The following TBC1D9 variants were observed in gnomAD, a reference collection of about 807,000 sequenced individuals.
TBC1D9 encodes TBC1 domain family member 9A.
TBC1D9 carries 63 observed loss-of-function variants against 132.0 expected under a neutral mutation model. The observed-to-expected ratio is 0.48, with a 90% CI of 0.39 to 0.59. The LOEUF (loss-of-function observed/expected upper bound fraction) is 0.59, where lower values mean the gene tolerates loss of function less well. Ranked by LOEUF, TBC1D9 falls within the 20% of genes least tolerant of loss-of-function variation. The pLI is 0.00. For missense variants in TBC1D9, 1,261 were observed against 1,592.7 expected, an observed-to-expected ratio of 0.79 and a Z score of 3.54; for synonymous variants, 610 against 609.9, an observed-to-expected ratio of 1.00 and a Z score of 0.00.
chr4:140,748,273 T>C (rs1317440517), intron 1 of TBC1D9, among the ~76,000 whole-genome samples: 1 of 152,040 alleles, frequency 6.6e-6, no homozygotes, highest in Non-Finnish European at 1.5e-5. Flanking sequence ...TTAAATATAG[T>C]TAAGGAGATA....
chr4:140,632,831 C>T lies in TBC1D9; in HGVS notation c.2746+1117G>A, dbSNP rs146130753. Among the ~76,000 whole-genome samples, 47 of 152,278 alleles carry T rather than the reference C, an allele frequency of 3.1e-4. 1 individual carries two copies. The highest frequency in any genetic ancestry group is 1.1e-3 in the African/African-American group (44 of 41,554). ...AAGCATTAGGGCAATGCCAGGCATG[C>T]AGTAAATGCTGTATAAATGTCAGTT... On this transcript the variant is annotated intron_variant, in intron 16 of 20. Coordinates refer to ENST00000442267, the MANE Select transcript of TBC1D9 (RefSeq NM_015130.3).
At chr4:140,738,080 A>G (rs754768772) in intron 1 of TBC1D9, among the ~76,000 whole-genome samples, 19 of 152,258 alleles carry the variant, frequency 1.2e-4, no homozygotes, top group Non-Finnish European at 2.8e-4. Flanking sequence ...GATATTAAAC[A>G]AAGAAAATCT....
At chr4:140,654,639 T>C (rs1356068698) in intron 13 of TBC1D9, among the ~76,000 whole-genome samples, 3 of 152,188 alleles carry the variant, frequency 2.0e-5, no homozygotes, top group Non-Finnish European at 4.4e-5. Flanking sequence ...GCTTACATCA[T>C]ACAGTACTAT....
At chr4:140,643,641 T>G (rs1053055166) in intron 13 of TBC1D9, 143 of 1,042,582 alleles carry the variant, frequency 1.4e-4, no homozygotes, top group Non-Finnish European at 1.8e-4. Flanking sequence ...CACAGGCACC[T>G]CCACTGGCTC....
At chr4:140,738,194 G>C (rs1377667304) in intron 1 of TBC1D9, among the ~76,000 whole-genome samples, 1 of 152,142 alleles carries the variant, frequency 6.6e-6, no homozygotes, top group Non-Finnish European at 1.5e-5. Context: ...AAAATCTTGG[G>C]ACCTCAAACT....
At chr4:140,699,933 TAAAA>T (rs145874678) in intron 2 of TBC1D9, among the ~76,000 whole-genome samples, 1 of 152,028 alleles carries the variant, frequency 6.6e-6, no homozygotes, top group Non-Finnish European at 1.5e-5. Flanking sequence ...AAATAAAAGT[TAAAA>T]AAAGTGTTCA....
chr4:140,715,587 G>A (rs942315158), intron 1 of TBC1D9, among the ~76,000 whole-genome samples: 1 of 152,204 alleles, frequency 6.6e-6, no homozygotes, highest in Non-Finnish European at 1.5e-5. Flanking sequence ...ATAAGAAGGT[G>A]CAAAGGCATT....
intron 13 of TBC1D9, among the ~76,000 whole-genome samples, chr4:140,640,629 G>T (rs376150896): frequency 6.6e-6 from 1 of 152,094 alleles, no homozygotes; most frequent in Non-Finnish European, 1.5e-5. Context: ...ATTTCCAAGC[G>T]TAACTTTTCC....
At chr4:140,754,996 A>G (rs1738987033) in intron 1 of TBC1D9, among the ~76,000 whole-genome samples, 1 of 152,242 alleles carries the variant, frequency 6.6e-6, no homozygotes, top group South Asian at 2.1e-4. Flanking sequence ...GGTTGATATA[A>G]GCTCAACTCT....
At chr4:140,661,346 T>C (rs80046628) in intron 10 of TBC1D9, among the ~76,000 whole-genome samples, 1,529 of 152,326 alleles carry the variant, frequency 0.01, 28 homozygotes, top group African/African-American at 0.035. Flanking sequence ...CTTATTTTAA[T>C]GTGTATTAAG....
Position 140,676,961 on chromosome 4 carries a change from GAC to G in TBC1D9, c.990_991del (p.Ser331HisfsTer15). On this transcript the variant is annotated frameshift_variant, in exon 6 of 21. Coordinates refer to ENST00000442267, the MANE Select transcript of TBC1D9 (RefSeq NM_015130.3). LOFTEE classifies it high-confidence loss of function. ...GCTGGTAAAACAGATGTAATTTGTG[GAC>G]ACAAACATCTGCCCCAAAATGTGCA... 6.2e-7 allele frequency: 1 copy of G among 1,613,948 alleles called. No individual in the cohort carries two copies. Among genetic ancestry groups the G allele is most frequent in the Non-Finnish European group, 8.5e-7 (1 of 1,179,864 alleles).
intron 13 of TBC1D9, chr4:140,643,636 G>T (rs73856687): frequency 0.066 from 67,633 of 1,025,730 alleles, 2,540 homozygotes; most frequent in Admixed American, 0.12. Context: ...ACCGCCACAG[G>T]CACCTCCACT....
At chr4:140,627,943 A>C (rs1736734027) in intron 17 of TBC1D9, among the ~76,000 whole-genome samples, 1 of 152,212 alleles carries the variant, frequency 6.6e-6, no homozygotes, top group Non-Finnish European at 1.5e-5. Flanking sequence ...ACCTTGTTTA[A>C]AATTGAAAAA....
intron 13 of TBC1D9, among the ~76,000 whole-genome samples, chr4:140,653,604 T>C (rs1737219852): frequency 6.6e-6 from 1 of 152,078 alleles, no homozygotes; most frequent in South Asian, 2.1e-4. Context: ...CAGACAGGAT[T>C]GAAAACCACC....
intron 1 of TBC1D9, among the ~76,000 whole-genome samples, chr4:140,724,255 C>A (rs890699563): frequency 3.3e-5 from 5 of 152,054 alleles, no homozygotes; most frequent in African/African-American, 1.2e-4. Flanking sequence ...TCAAAAGTAC[C>A]AAGAAAAAGA....
At chr4:140,684,162 G>A (rs1172734132) in intron 3 of TBC1D9, among the ~76,000 whole-genome samples, 2 of 151,942 alleles carry the variant, frequency 1.3e-5, no homozygotes, top group Non-Finnish European at 2.9e-5. Context: ...AGCACTTTGG[G>A]AAGCTGAGGT....
intron 1 of TBC1D9, among the ~76,000 whole-genome samples, chr4:140,717,134 G>A (rs1397550271): frequency 2.0e-5 from 3 of 152,146 alleles, no homozygotes; most frequent in Admixed American, 6.5e-5. Context: ...ATAAACAAAG[G>A]TTTCACTTTC....
chr4:140,717,779 G>T (rs1472182969), intron 1 of TBC1D9, among the ~76,000 whole-genome samples: 2 of 152,130 alleles, frequency 1.3e-5, no homozygotes, highest in Non-Finnish European at 2.9e-5. Context: ...GGTTCCCACT[G>T]GGTAGAACAC....
chr4:140,655,502 T>C (rs1471716825), intron 13 of TBC1D9, among the ~76,000 whole-genome samples: 1 of 152,170 alleles, frequency 6.6e-6, no homozygotes, highest in Admixed American at 6.5e-5. Flanking sequence ...ACAAAACACC[T>C]GTAGAGAGCA....
Sources: gnomAD v4.1 joint callset for allele counts (sites outside exome capture counted in the v4.1 genomes callset) on GRCh38, gnomAD v4.1.1 for gene constraint, MANE v1.5 for transcripts, NCBI Gene and HGNC (gene_info 2026-07-23, HGNC 2026-07-21) for gene names.